CA10: variants seen among roughly 807,000 people sequenced by gnomAD.
CA10 encodes the protein carbonic anhydrase-related protein 10.
Under a neutral mutation model 44.2 loss-of-function variants are expected in CA10, and 14 were observed. The observed-to-expected ratio is 0.32, with a 90% CI of 0.21 to 0.50. CA10 has a LOEUF of 0.50. Among genes scored for constraint, CA10 ranks in the 20% least tolerant of loss-of-function variants. The probability of loss-of-function intolerance (pLI) is 0.99; values close to 1 mark genes in which losing one functional copy is unlikely to be tolerated. For missense variants in CA10, 350 were observed against 409.7 expected, an observed-to-expected ratio of 0.85 and a Z score of 1.26; for synonymous variants, 159 against 141.6, an observed-to-expected ratio of 1.12 and a Z score of -0.87.
intron 2 of CA10, among the ~76,000 whole-genome samples, chr17:52,068,270 C>G (rs143812712): frequency 5.9e-5 from 9 of 152,348 alleles, no homozygotes; most frequent in African/African-American, 2.2e-4. Context: ...CTTCCCCCTT[C>G]ACTCAGCACT....
At chr17:51,891,407 A>C (rs1309452895) in intron 3 of CA10, among the ~76,000 whole-genome samples, 1 of 152,232 alleles carries the variant, frequency 6.6e-6, no homozygotes, top group Admixed American at 6.5e-5. Flanking sequence ...TGAATGGGGA[A>C]GTCAGACTTC....
chr17:52,011,444 T>C (rs1451625957), intron 2 of CA10, among the ~76,000 whole-genome samples: 4 of 152,014 alleles, frequency 2.6e-5, no homozygotes, highest in Admixed American at 1.3e-4. Flanking sequence ...ATTAATCTTT[T>C]CTAAATAATC....
At chr17:51,690,604 A>C (rs909302719) in intron 4 of CA10, among the ~76,000 whole-genome samples, 2 of 151,960 alleles carry the variant, frequency 1.3e-5, no homozygotes, top group Non-Finnish European at 2.9e-5. Context: ...GTCTCATGAG[A>C]TCTGATGGTT....
chr17:51,697,474 C>T (rs1233048129), intron 4 of CA10, among the ~76,000 whole-genome samples: 7 of 152,198 alleles, frequency 4.6e-5, no homozygotes, highest in Non-Finnish European at 7.3e-5. Flanking sequence ...TCTCATGTCC[C>T]CTCCTCCATG....
chr17:51,715,386 A>G (rs1457459800), intron 4 of CA10, among the ~76,000 whole-genome samples: 1 of 152,066 alleles, frequency 6.6e-6, no homozygotes, highest in Non-Finnish European at 1.5e-5. Flanking sequence ...AAACCAAAAA[A>G]CATATTTGGG....
chr17:51,874,126 G>A (rs1403347620), intron 3 of CA10, among the ~76,000 whole-genome samples: 1 of 151,986 alleles, frequency 6.6e-6, no homozygotes, highest in Non-Finnish European at 1.5e-5. Flanking sequence ...TAGGGGAAAT[G>A]TATATATTTG....
At chr17:51,969,008 A>G (rs1202648389) in intron 2 of CA10, among the ~76,000 whole-genome samples, 1 of 152,040 alleles carries the variant, frequency 6.6e-6, no homozygotes, top group African/African-American at 2.4e-5. Context: ...CAGGTCTTAA[A>G]GAATCATCAA....
At chr17:51,806,057 GT>G (rs1907123205) in intron 3 of CA10, among the ~76,000 whole-genome samples, 1 of 152,212 alleles carries the variant, frequency 6.6e-6, no homozygotes, top group Admixed American at 6.5e-5. Context: ...ATGAGCAAGG[GT>G]GAGAGTAGAG....
At chr17:52,026,882 G>A (rs551271162) in intron 2 of CA10, among the ~76,000 whole-genome samples, 6 of 152,202 alleles carry the variant, frequency 3.9e-5, no homozygotes, top group East Asian at 3.9e-4. Flanking sequence ...TTTCTGGCAC[G>A]AGGAACCAGT....
intron 3 of CA10, among the ~76,000 whole-genome samples, chr17:51,831,690 G>GCAGCATCAGCAT (rs1555604049): frequency 2.5e-5 from 2 of 81,202 alleles, no homozygotes; most frequent in African/African-American, 7.4e-5. Context: ...AGCAGCAGCA[G>GCAGCATCAGCAT]CAGCAGCAGC....
chr17:51,644,447 CTATT>C (rs2143249210), intron 6 of CA10, among the ~76,000 whole-genome samples: 1 of 152,290 alleles, frequency 6.6e-6, no homozygotes, highest in South Asian at 2.1e-4. Context: ...CCTCTCTTCT[CTATT>C]TATTCTTACT....
At chr17:51,848,720 G>A (rs535654384) in intron 3 of CA10, among the ~76,000 whole-genome samples, 16 of 152,256 alleles carry the variant, frequency 1.1e-4, no homozygotes, top group African/African-American at 3.4e-4. Flanking sequence ...TATAGTGGCC[G>A]GAGGCAGTCG....
intron 3 of CA10, among the ~76,000 whole-genome samples, chr17:51,838,713 T>C (rs1487776926): frequency 9.2e-5 from 14 of 152,228 alleles, no homozygotes; most frequent in African/African-American, 2.4e-4. Context: ...CAAATATCTC[T>C]ATATACATAC....
At chr17:52,041,046 A>G (rs1986754651) in intron 2 of CA10, among the ~76,000 whole-genome samples, 1 of 152,094 alleles carries the variant, frequency 6.6e-6, no homozygotes, top group Non-Finnish European at 1.5e-5. Context: ...TGGTCTTGGT[A>G]GAGGAGCTAA....
chr17:51,859,598 A>G (rs904686908), intron 3 of CA10, among the ~76,000 whole-genome samples: 12 of 152,168 alleles, frequency 7.9e-5, no homozygotes, highest in African/African-American at 2.7e-4. Flanking sequence ...TGGCATCAGG[A>G]GAGCTGAGTT....
chr17:51,693,484 C>T (rs753007183), intron 4 of CA10, among the ~76,000 whole-genome samples: 8 of 152,028 alleles, frequency 5.3e-5, no homozygotes, highest in Non-Finnish European at 1.2e-4. Flanking sequence ...AGCTTTTCAC[C>T]CCCTATCCAC....
chr17:52,106,998 A>G (rs967029811), intron 1 of CA10, among the ~76,000 whole-genome samples: 1 of 152,024 alleles, frequency 6.6e-6, no homozygotes, highest in Non-Finnish European at 1.5e-5. Flanking sequence ...CAAATTGTCT[A>G]CTCTGTTTTT....
intron 3 of CA10, among the ~76,000 whole-genome samples, chr17:51,825,548 C>T (rs915923442): frequency 8.5e-5 from 13 of 152,162 alleles, no homozygotes; most frequent in African/African-American, 2.9e-4. Flanking sequence ...CATCAGAGCA[C>T]GGACTTAACC....
intron 3 of CA10, among the ~76,000 whole-genome samples, chr17:51,874,444 T>C (rs956748760): frequency 2.6e-5 from 4 of 151,996 alleles, no homozygotes; most frequent in African/African-American, 9.7e-5. Context: ...ATCTGCTCTT[T>C]TATTCAAGTC....
Sources: allele counts gnomAD v4.1 joint callset (sites outside exome capture counted in the v4.1 genomes callset), GRCh38; gene constraint gnomAD v4.1.1; transcripts MANE v1.5; gene names NCBI Gene and HGNC (gene_info 2026-07-23, HGNC 2026-07-21).